The following RAB11FIP4 variants were observed in gnomAD, a reference collection of about 807,000 sequenced individuals.
RAB11FIP4 encodes RAB11 family interacting protein 4, also known as rab11 family-interacting protein 4.
RAB11FIP4 carries 23 observed loss-of-function variants against 74.3 expected under a neutral mutation model. The observed-to-expected ratio is 0.31, with a 90% CI of 0.22 to 0.44. The LOEUF is 0.44. Among genes scored for constraint, RAB11FIP4 ranks in the 20% least tolerant of loss-of-function variants. The pLI is 1.00. For synonymous variants in RAB11FIP4, 360 were observed against 359.9 expected (o/e 1.00, Z 0.00); for missense variants, 630 against 863.9 (o/e 0.73, Z 3.39).
chr17:31,537,465 T>G lies in RAB11FIP4; in HGVS notation c.*5733T>G, dbSNP rs2072984788. The G allele has an allele frequency of 5.5e-6, 2 of 363,512 alleles. No homozygotes were observed. The highest frequency in any genetic ancestry group is 9.8e-6 in the Non-Finnish European group (2 of 203,798). 22.5% of individuals were successfully genotyped at this position (363,512 alleles called of 1,614,324 possible). ...TGCATTCCAGAAAAGGGCAACTTTG[T>G]GTAAAGCAGCTTCTCCCACAGAGCT... On this transcript the variant is annotated 3_prime_UTR_variant, in exon 15 of 15. Coordinates refer to ENST00000621161, the MANE Select transcript of RAB11FIP4 (RefSeq NM_032932.6).
chr17:31,414,390 A>G (rs916413995), intron 1 of RAB11FIP4, among the ~76,000 whole-genome samples: 34 of 152,338 alleles, frequency 2.2e-4, no homozygotes, highest in Admixed American at 7.8e-4. Flanking sequence ...AGCTGTGGAA[A>G]CATTTGCAAA....
chr17:31,428,466 T>C (rs1465568097), intron 1 of RAB11FIP4, among the ~76,000 whole-genome samples: 1 of 152,176 alleles, frequency 6.6e-6, no homozygotes, highest in Non-Finnish European at 1.5e-5. Context: ...ATCCATCATC[T>C]GCAGCCCAGC....
In RAB11FIP4 at chr17:31,535,712, C is replaced by G. The variant is rs2072947744; in HGVS notation, c.*3980C>G. On this transcript the variant is annotated 3_prime_UTR_variant, in exon 15 of 15. Transcript: ENST00000621161. ...AGCAGACCAGAGTGGGTGGGCAGGACCTTGGCCTGGTGCCCCTGGAATCAG... is the reference window on the plus strand; with the variant it reads ...AGCAGACCAGAGTGGGTGGGCAGGAGCTTGGCCTGGTGCCCCTGGAATCAG... The G allele has an allele frequency of 6.6e-6, 1 of 152,350 alleles. No homozygotes were observed. Among genetic ancestry groups the G allele is most frequent in the Non-Finnish European group, 1.5e-5 (1 of 68,200 alleles). 9.4% of individuals were successfully genotyped at this position (152,350 alleles called of 1,614,324 possible).
chr17:31,482,671 A>G (rs888090449), intron 3 of RAB11FIP4, among the ~76,000 whole-genome samples: 21 of 152,176 alleles, frequency 1.4e-4, no homozygotes, highest in Non-Finnish European at 2.9e-5. Flanking sequence ...GCAGTCTCAG[A>G]GTCCTGCCTA....
intron 3 of RAB11FIP4, among the ~76,000 whole-genome samples, chr17:31,484,813 G>A (rs2071885215): frequency 6.6e-6 from 1 of 152,096 alleles, no homozygotes; most frequent in Non-Finnish European, 1.5e-5. Flanking sequence ...TCTGTGCCAG[G>A]CTCTGTTCTA....
intron 3 of RAB11FIP4, among the ~76,000 whole-genome samples, chr17:31,487,085 G>A (rs1168371577): frequency 1.3e-5 from 2 of 152,212 alleles, no homozygotes; most frequent in African/African-American, 2.4e-5. Flanking sequence ...TTGTTGGCCA[G>A]TGAAGACTCA....
chr17:31,492,910 C>T (rs999883839), intron 3 of RAB11FIP4, among the ~76,000 whole-genome samples: 1 of 152,080 alleles, frequency 6.6e-6, no homozygotes, highest in East Asian at 1.9e-4. Context: ...CCCAGACAAC[C>T]TTGGTGGTTA....
chr17:31,525,436 A>G (rs760827906), intron 10 of RAB11FIP4: 3 of 596,022 alleles, frequency 5.0e-6, no homozygotes, highest in Non-Finnish European at 8.8e-6. Context: ...GAATGTTCCC[A>G]GGAGCGTGGC....
At chr17:31,476,798 T>A (rs1412730528) in intron 3 of RAB11FIP4, among the ~76,000 whole-genome samples, 2 of 152,238 alleles carry the variant, frequency 1.3e-5, no homozygotes, top group Non-Finnish European at 2.9e-5. Context: ...GGGCCGTGGT[T>A]TTCCCCTAAG....
intron 1 of RAB11FIP4, among the ~76,000 whole-genome samples, chr17:31,406,386 G>C (rs1232968161): frequency 1.3e-5 from 2 of 152,180 alleles, no homozygotes; most frequent in African/African-American, 4.8e-5. Context: ...TCCAGGGCCT[G>C]TCTGCTCATT....
intron 3 of RAB11FIP4, among the ~76,000 whole-genome samples, chr17:31,507,234 G>A (rs183744898): frequency 2.8e-4 from 43 of 152,288 alleles, no homozygotes; most frequent in Admixed American, 2.2e-3. Flanking sequence ...AGCCAAGATC[G>A]TGCTATTGCA....
At chr17:31,430,515 G>A (rs904613726) in intron 1 of RAB11FIP4, among the ~76,000 whole-genome samples, 9 of 148,952 alleles carry the variant, frequency 6.0e-5, no homozygotes, top group African/African-American at 2.0e-4. Context: ...CCGCCACGAC[G>A]CCCGGCTAAT....
chr17:31,450,069 A>G (rs932372013), intron 3 of RAB11FIP4, among the ~76,000 whole-genome samples: 1 of 152,178 alleles, frequency 6.6e-6, no homozygotes, highest in African/African-American at 2.4e-5. Flanking sequence ...GTCATCTTAC[A>G]GTGATGTAGA....
intron 3 of RAB11FIP4, among the ~76,000 whole-genome samples, chr17:31,514,220 G>A (rs548298919): frequency 9.2e-5 from 14 of 152,248 alleles, no homozygotes; most frequent in Non-Finnish European, 1.8e-4. Flanking sequence ...GTATCAGGAC[G>A]CTGCTGTAGA....
At chr17:31,404,665 CTG>C (rs1054479685) in intron 1 of RAB11FIP4, among the ~76,000 whole-genome samples, 2 of 152,084 alleles carry the variant, frequency 1.3e-5, no homozygotes, top group African/African-American at 4.8e-5. Flanking sequence ...AGGTCAGATT[CTG>C]TGTCATGTTT....
intron 1 of RAB11FIP4, among the ~76,000 whole-genome samples, chr17:31,408,391 G>A (rs1282126271): frequency 3.3e-5 from 5 of 152,122 alleles, no homozygotes; most frequent in Non-Finnish European, 7.4e-5. Flanking sequence ...ATTAAAAATA[G>A]GTGTTTTACA....
At position 31,521,768 on chromosome 17, in the gene RAB11FIP4, T is replaced by G. The variant is rs1048875265; in HGVS notation, c.759-147T>G. 2.5e-5 allele frequency: 21 copies of G among 843,014 alleles called. 1 individual carries two copies. The Admixed American group carries it at 4.5e-4, about 18-fold the overall frequency. The allele number at this position is 843,014 out of a possible 1,614,324, so 52.2% of individuals were successfully genotyped here. A position where few individuals can be genotyped will look rare whatever the true frequency, so the allele number is the denominator to read the frequency against. On this transcript the variant is annotated intron_variant, in intron 5 of 14. Transcript: ENST00000621161. ...TTTGAGCGTGTTGGAGAAGGGATGATCTGTTGCTATATTTCCACTCCCTGC... is the reference window on the plus strand; with the variant it reads ...TTTGAGCGTGTTGGAGAAGGGATGAGCTGTTGCTATATTTCCACTCCCTGC...
intron 3 of RAB11FIP4, among the ~76,000 whole-genome samples, chr17:31,517,206 T>C (rs957886023): frequency 1.7e-3 from 35 of 20,254 alleles, no homozygotes; most frequent in Admixed American, 3.5e-3. Context: ...GGGGGGGCGG[T>C]GGGGGGGGCG....
intron 14 of RAB11FIP4, 61 bp from the exon 15 acceptor site, chr17:31,531,555 G>A: frequency 8.8e-7 from 1 of 1,133,464 alleles, no homozygotes; most frequent in Non-Finnish European, 1.3e-6. Context: ...CTGGGAGTCT[G>A]GACTCTGCCT....
Sources: gnomAD v4.1 joint callset for allele counts (sites outside exome capture counted in the v4.1 genomes callset) on GRCh38, gnomAD v4.1.1 for gene constraint, MANE v1.5 for transcripts, NCBI Gene and HGNC (gene_info 2026-07-23, HGNC 2026-07-21) for gene names.